ABCA12: variants seen among roughly 807,000 people sequenced by gnomAD.
The protein encoded by ABCA12 is ATP binding cassette subfamily A member 12.
In ABCA12, 156 loss-of-function variants were observed where a neutral mutation model predicts 293.5. The ratio of observed to expected loss-of-function variants is 0.53; its 90% confidence interval spans 0.47 to 0.61. ABCA12 has a LOEUF of 0.61. Among genes scored for constraint, ABCA12 ranks in the 20% least tolerant of loss-of-function variants. The pLI, the probability that ABCA12 is intolerant of heterozygous loss-of-function variation, is 0.00. For missense variants in ABCA12, 2,797 were observed against 3,090.2 expected (o/e 0.91, Z 2.25); for synonymous variants, 1,063 against 1,108.0 (o/e 0.96, Z 0.81).
At chr2:214,961,228 C>T (rs4672740) in intron 39 of ABCA12, among the ~76,000 whole-genome samples, 46,708 of 151,840 alleles carry the variant, frequency 0.31, 8,626 homozygotes, top group South Asian at 0.44. Context: ...TTACCACTTC[C>T]GTAAGTCTAT....
At position 214,989,598 on chromosome 2, in the gene ABCA12, G is replaced by A. The variant is rs1176562549; in HGVS notation, c.3648C>T (p.Phe1216=). ...VFMSLLSPTA[F]SYASQYIARY... The stretch of plus-strand genomic sequence containing the variant: ...GTGCAATGTATTGGCTTGCATAGCT[G>A]AATGCTGTTGGGGACAGCAGGCTCT... Residue 1216 remains phenylalanine, a synonymous_variant, in exon 25 of 53, where the codon TTC becomes TTT. Coordinates refer to ENST00000272895, the MANE Select transcript of ABCA12 (RefSeq NM_173076.3). The A allele has an allele frequency of 6.2e-7, 1 of 1,613,990 alleles. No individual in the cohort carries two copies. Among genetic ancestry groups the A allele is most frequent in the Non-Finnish European group, 8.5e-7 (1 of 1,179,942 alleles).
At chr2:214,965,728 G>A (rs532346352) in intron 39 of ABCA12, among the ~76,000 whole-genome samples, 1 of 152,136 alleles carries the variant, frequency 6.6e-6, no homozygotes, top group East Asian at 1.9e-4. Flanking sequence ...AAGTCAAAAA[G>A]CAATAGATGC....
At chr2:215,025,996 A>G (rs183818982) in intron 10 of ABCA12, among the ~76,000 whole-genome samples, 1 of 152,308 alleles carries the variant, frequency 6.6e-6, no homozygotes, top group East Asian at 1.9e-4. Flanking sequence ...AGATAAAAAT[A>G]TTTCTAGCAA....
At chr2:215,047,368 C>T (rs540094360) in intron 6 of ABCA12, among the ~76,000 whole-genome samples, 1 of 152,248 alleles carries the variant, frequency 6.6e-6, no homozygotes, top group East Asian at 1.9e-4. Context: ...AATCACATTA[C>T]CTAACTTCAG....
chr2:215,022,816 G>GA (rs1559151927), intron 11 of ABCA12: 1 of 151,910 alleles, frequency 6.6e-6, no homozygotes, highest in Middle Eastern at 3.4e-3. Context: ...TAAATAGAGG[G>GA]AAAAATGAGT....
intron 27 of ABCA12, 26 bp downstream of exon 27, chr2:214,987,621 G>C (rs751360406): frequency 6.2e-7 from 1 of 1,602,406 alleles, no homozygotes; most frequent in South Asian, 1.1e-5. Flanking sequence ...TCATAACAAA[G>C]CACGCTGTTG....
intron 3 of ABCA12, among the ~76,000 whole-genome samples, chr2:215,055,984 C>T (rs1701412261): frequency 6.6e-6 from 1 of 151,982 alleles, no homozygotes; most frequent in African/African-American, 2.4e-5. Flanking sequence ...TTTTTCTCGA[C>T]ATTTTTTTAG....
intron 2 of ABCA12, among the ~76,000 whole-genome samples, chr2:215,106,748 CAA>C (rs34394993): frequency 2.3e-3 from 234 of 101,436 alleles, no homozygotes; most frequent in Middle Eastern, 0.023. Flanking sequence ...GCTTTGGAGG[CAA>C]AAAAAAAAAA....
At chr2:214,937,050 C>T (rs1057119673) in intron 51 of ABCA12, among the ~76,000 whole-genome samples, 14 of 151,930 alleles carry the variant, frequency 9.2e-5, no homozygotes, top group African/African-American at 1.5e-4. Context: ...GCATATCTTA[C>T]GCATCTTGAA....
intron 48 of ABCA12, among the ~76,000 whole-genome samples, chr2:214,947,077 C>A (rs189811366): frequency 6.6e-6 from 1 of 152,120 alleles, no homozygotes; most frequent in African/African-American, 2.4e-5. Flanking sequence ...GAGATGATTT[C>A]TTCAATAGGT....
intron 1 of ABCA12, among the ~76,000 whole-genome samples, chr2:215,123,642 T>A (rs892228995): frequency 2.0e-5 from 3 of 152,242 alleles, no homozygotes; most frequent in African/African-American, 7.2e-5. Context: ...TTTCTTGAGA[T>A]ATTTCCATAC....
intron 7 of ABCA12, among the ~76,000 whole-genome samples, chr2:215,043,918 C>T (rs950321917): frequency 6.6e-6 from 1 of 152,016 alleles, no homozygotes; most frequent in African/African-American, 2.4e-5. Context: ...ACGCTATCTA[C>T]ATACACAGTA....
intron 2 of ABCA12, among the ~76,000 whole-genome samples, chr2:215,094,853 G>A (rs1702218763): frequency 6.6e-6 from 1 of 152,082 alleles, no homozygotes; most frequent in South Asian, 2.1e-4. Context: ...AAGAGTCTGA[G>A]TGCAAGACAT....
intron 36 of ABCA12, among the ~76,000 whole-genome samples, chr2:214,971,621 CATT>C (rs774701244): frequency 6.6e-6 from 1 of 152,122 alleles, no homozygotes; most frequent in Non-Finnish European, 1.5e-5. Flanking sequence ...TCTTTTCACT[CATT>C]ATTATGATTA....
Position 215,010,387 on chromosome 2 carries a change from A to G in ABCA12, c.2416T>C (p.Leu806=). The G allele has an allele frequency of 1.2e-6, 2 of 1,613,886 alleles. No homozygotes were observed. Among genetic ancestry groups the G allele is most frequent in the Non-Finnish European group, 1.7e-6 (2 of 1,179,806 alleles). ...TATGGTGCATACAAAATTCTTCCCA[A>G]CAACATAGGTTTCAAGAAAGCCCAA... ...VIWAFLKPML[L]GRILYAPYNP... is the part of the protein sequence containing the mutation. Residue 806 remains leucine (L), a synonymous_variant, in exon 18 of 53, where the codon TTG becomes CTG. Transcript: ENST00000272895.
At chr2:214,954,177 G>A in intron 43 of ABCA12, 70 bp from the exon 44 acceptor site, 28 of 1,511,024 alleles carry the variant, frequency 1.9e-5, no homozygotes, top group Non-Finnish European at 2.5e-5. Flanking sequence ...TTTAAAACTA[G>A]ATGGATGTAG....
At position 215,052,602 on chromosome 2, in the gene ABCA12, A is replaced by G. The variant is rs1380497094; in HGVS notation, c.410-18T>C. On this transcript the variant is annotated intron_variant, in intron 4 of 52. Transcript: ENST00000272895. The stretch of plus-strand genomic sequence containing the variant: ...TACTGTGGCTGTAATCAAAGAAGGA[A>G]CAGATTAGCATTCCACACACACACA... The G allele has an allele frequency of 1.3e-6, 2 of 1,589,962 alleles. No homozygotes were observed.
chr2:215,045,777 A>T, intron 7 of ABCA12, 60 bp downstream of exon 7: 4 of 1,497,830 alleles, frequency 2.7e-6, no homozygotes, highest in Non-Finnish European at 3.7e-6. Flanking sequence ...CACAGGTAAC[A>T]TTTTTTTAAA....
At chr2:215,015,133 C>T (rs1206490985) in intron 15 of ABCA12, among the ~76,000 whole-genome samples, 1 of 148,204 alleles carries the variant, frequency 6.7e-6, no homozygotes, top group African/African-American at 2.4e-5. Flanking sequence ...TCTTTTTTAA[C>T]CCTACCAACT....
Sources: gnomAD v4.1 joint callset for allele counts (sites outside exome capture counted in the v4.1 genomes callset) on GRCh38, gnomAD v4.1.1 for gene constraint, MANE v1.5 for transcripts, NCBI Gene and HGNC (gene_info 2026-07-23, HGNC 2026-07-21) for gene names.